Variants in LAMA2 observed in about 807,000 individuals in gnomAD.
The protein encoded by LAMA2 is laminin subunit alpha 2, also known as laminin subunit alpha-2.
Under a neutral mutation model 364.8 loss-of-function variants are expected in LAMA2, and 269 were observed. That is an observed-to-expected ratio of 0.74 (90% CI 0.67 to 0.82). LAMA2 has a LOEUF of 0.82. LAMA2 is among the 40% of genes least tolerant of loss of function. The pLI is 0.00. For missense variants in LAMA2, 3,807 were observed against 3,873.2 expected, an observed-to-expected ratio of 0.98 and a Z score of 0.45; for synonymous variants, 1,379 against 1,370.6, an observed-to-expected ratio of 1.01 and a Z score of -0.14.
Position 128,934,039 on chromosome 6 carries a change from TA to T in LAMA2, c.112+50683del, listed in dbSNP as rs1169479139. 6.6e-5 allele frequency among the ~76,000 whole-genome samples: 10 copies of T among 152,340 alleles called. No homozygotes were observed. The East Asian group carries it at 1.7e-3, about 26-fold the overall frequency. On this transcript the variant is annotated intron_variant, in intron 1 of 64. Coordinates refer to ENST00000421865, the MANE Select transcript of LAMA2 (RefSeq NM_000426.4). Reference sequence around the variant, plus strand: ...GACTGATGGCAAGGAGCCTTTTCTTTATATTTATTTTAGAAGCTTTATGGTT... The same window carrying T: ...GACTGATGGCAAGGAGCCTTTTCTTTTATTTATTTTAGAAGCTTTATGGTT...
At chr6:129,479,338 T>TTGTG (rs2114835764) in intron 54 of LAMA2, among the ~76,000 whole-genome samples, 1 of 152,296 alleles carries the variant, frequency 6.6e-6, no homozygotes, top group South Asian at 2.1e-4. Context: ...CTGCAAAGAC[T>TTGTG]TGTGTTTGAC....
intron 56 of LAMA2, among the ~76,000 whole-genome samples, chr6:129,489,751 C>A (rs560889801): frequency 1.3e-5 from 2 of 152,248 alleles, no homozygotes; most frequent in South Asian, 4.1e-4. Flanking sequence ...AGATTAGATT[C>A]TATTTATTAT....
intron 8 of LAMA2, chr6:129,158,909 G>C (rs181959048): frequency 6.2e-7 from 1 of 1,606,114 alleles, no homozygotes; most frequent in Non-Finnish European, 8.5e-7. Context: ...GTTATTAATA[G>C]CATCATCTGG....
chr6:129,263,539 G>T (rs1411265336), intron 15 of LAMA2, among the ~76,000 whole-genome samples: 1 of 152,116 alleles, frequency 6.6e-6, no homozygotes, highest in Non-Finnish European at 1.5e-5. Flanking sequence ...GAGTCTGTAA[G>T]GACTGGAAAG....
chr6:128,976,249 G>A (rs1484123212), intron 1 of LAMA2, among the ~76,000 whole-genome samples: 2 of 152,166 alleles, frequency 1.3e-5, no homozygotes, highest in Non-Finnish European at 2.9e-5. Context: ...TTTGGTTAAA[G>A]GAAGCAGAGA....
In LAMA2 at chr6:129,352,273, C is replaced by G. The variant is rs373864541; in HGVS notation, c.4524-891C>G. ...TGTAAAGTTACCAAACTTCCAGTGT[C>G]ATAACACGGAGTGAAATACACTTAG... is the stretch of plus-strand genomic sequence containing the variant. On this transcript the variant is annotated intron_variant, in intron 31 of 64. Transcript: ENST00000421865. Among the ~76,000 whole-genome samples, 9 of 152,336 alleles carry G rather than the reference C, an allele frequency of 5.9e-5. No homozygotes were observed. In the South Asian group the frequency reaches 1.9e-3, roughly 32 times the overall value.
At chr6:128,964,393 G>A (rs963319746) in intron 1 of LAMA2, among the ~76,000 whole-genome samples, 1 of 151,984 alleles carries the variant, frequency 6.6e-6, no homozygotes, top group African/African-American at 2.4e-5. Context: ...CAATGCCTGG[G>A]AATATGTTGT....
At chr6:129,452,744 A>G (rs1301781622) in intron 45 of LAMA2, among the ~76,000 whole-genome samples, 1 of 152,210 alleles carries the variant, frequency 6.6e-6, no homozygotes, top group African/African-American at 2.4e-5. Context: ...TGCTTCAAAA[A>G]ATAGTATGCT....
intron 1 of LAMA2, among the ~76,000 whole-genome samples, chr6:129,024,550 T>TTTTTA (rs1206514489): frequency 7.9e-5 from 12 of 151,706 alleles, no homozygotes; most frequent in Non-Finnish European, 1.5e-4. Flanking sequence ...TGCCAGCTAA[T>TTTTTA]TTTTATTTTA....
chr6:129,485,611 T>C (rs1784550084), intron 55 of LAMA2, among the ~76,000 whole-genome samples: 2 of 152,360 alleles, frequency 1.3e-5, no homozygotes, highest in South Asian at 4.1e-4. Context: ...TGGCAAACCA[T>C]CCATGAGCTA....
intron 32 of LAMA2, among the ~76,000 whole-genome samples, chr6:129,360,191 T>C (rs1777382055): frequency 1.3e-5 from 2 of 152,302 alleles, no homozygotes; most frequent in South Asian, 4.1e-4. Flanking sequence ...AAGATAGGTG[T>C]TCATTTACAC....
Position 128,900,370 on chromosome 6 carries a change from C to T in LAMA2, c.112+17013C>T, listed in dbSNP as rs548006816. On this transcript the variant is annotated intron_variant, in intron 1 of 64. Coordinates refer to ENST00000421865, the MANE Select transcript of LAMA2 (RefSeq NM_000426.4). ...ATCAGGGCCCAGGTCTGTTTTGTTACTACTGTATCCTTACTGCATAGCACA... is the reference window on the plus strand; with the variant it reads ...ATCAGGGCCCAGGTCTGTTTTGTTATTACTGTATCCTTACTGCATAGCACA... 3.9e-5 allele frequency among the ~76,000 whole-genome samples: 6 copies of T among 152,264 alleles called. No individual in the cohort carries two copies. The South Asian group carries it at 8.3e-4, about 21-fold the overall frequency.
chr6:129,348,027 AGT>A (rs201492379), intron 30 of LAMA2, among the ~76,000 whole-genome samples: 3 of 151,756 alleles, frequency 2.0e-5, no homozygotes, highest in Admixed American at 6.6e-5. Context: ...TATGTATAAG[AGT>A]GTGTGTGTGT....
chr6:129,464,191 C>T, intron 49 of LAMA2, 99 bp from the exon 50 acceptor site: 1 of 1,061,536 alleles, frequency 9.4e-7, no homozygotes, highest in Non-Finnish European at 1.5e-6. Flanking sequence ...ATTTCCTGCC[C>T]TACAACAGCC....
At chr6:129,329,517 A>G (rs1157867694) in intron 29 of LAMA2, among the ~76,000 whole-genome samples, 2 of 151,988 alleles carry the variant, frequency 1.3e-5, no homozygotes, top group Non-Finnish European at 2.9e-5. Flanking sequence ...TCACGCCACC[A>G]CACCTGGATA....
intron 1 of LAMA2, among the ~76,000 whole-genome samples, chr6:128,925,633 C>T (rs1779039371): frequency 6.6e-6 from 1 of 152,124 alleles, no homozygotes; most frequent in Non-Finnish European, 1.5e-5. Flanking sequence ...GAACTGTATA[C>T]TTAAAAATGG....
chr6:128,926,551 T>G (rs1262195941), intron 1 of LAMA2, among the ~76,000 whole-genome samples: 3 of 152,228 alleles, frequency 2.0e-5, no homozygotes, highest in African/African-American at 7.2e-5. Context: ...TCAAGTGTTC[T>G]GTCTCTTTGG....
At chr6:129,192,894 CTGAT>C in intron 12 of LAMA2, 41 bp downstream of exon 12, 1 of 1,585,544 alleles carries the variant, frequency 6.3e-7, no homozygotes, top group East Asian at 2.3e-5. Flanking sequence ...CTTTAACTGA[CTGAT>C]CGTGAGAATG....
Position 129,192,685 on chromosome 6 carries a change from A to C in LAMA2, c.1614A>C (p.Gln538His). 6.2e-7 allele frequency: 1 copy of C among 1,614,002 alleles called. No individual in the cohort carries two copies. The highest frequency in any genetic ancestry group is 8.5e-7 in the Non-Finnish European group (1 of 1,179,846). Residue 538 changes from glutamine to histidine, a missense_variant, in exon 12 of 65, where the codon CAA becomes CAC. By Grantham distance (24) the Gln-to-His change is conservative. Around this residue, in one of 3 missense-constraint regions of LAMA2, gnomAD observed 3,333 missense variants for 3,345.7 expected, o/e 1.00. Transcript: ENST00000421865. ...GACTGTGTGTTTTCTCTAAGATACA[A>C]GATATGAGTGGCTGGTATCTGACTG... ...QSSYWTYGKI[Q>H]DMSGWYLTDL... is the part of the protein sequence containing the mutation.
Sources: allele counts gnomAD v4.1 joint callset (sites outside exome capture counted in the v4.1 genomes callset), GRCh38; gene constraint gnomAD v4.1.1; regional missense constraint gnomAD v4.1.1; transcripts MANE v1.5; gene names NCBI Gene and HGNC (gene_info 2026-07-23, HGNC 2026-07-21).